Variants in DOCK1 observed in about 807,000 individuals in gnomAD.
DOCK1 encodes dedicator of cytokinesis 1.
In DOCK1, 138 loss-of-function variants were observed where a neutral mutation model predicts 262.7. That is an observed-to-expected ratio of 0.53 (90% CI 0.46 to 0.61). DOCK1 has a LOEUF of 0.61. Ranked by LOEUF, DOCK1 falls within the 20% of genes least tolerant of loss-of-function variation. The probability of loss-of-function intolerance (pLI) is 0.00; values close to 1 mark genes in which losing one functional copy is unlikely to be tolerated. For synonymous variants in DOCK1, 866 were observed against 867.4 expected, an observed-to-expected ratio of 1.00 and a Z score of 0.03; for missense variants, 1,908 against 2,370.7, an observed-to-expected ratio of 0.80 and a Z score of 4.05.
chr10:127,018,072 A>AT (rs1328443391), intron 12 of DOCK1, among the ~76,000 whole-genome samples: 2 of 152,086 alleles, frequency 1.3e-5, no homozygotes, highest in Non-Finnish European at 2.9e-5. Flanking sequence ...GAAAGTCTTC[A>AT]TTTCTCTCTT....
chr10:127,190,882 C>G (rs11016704), intron 27 of DOCK1, among the ~76,000 whole-genome samples: 3,062 of 152,050 alleles, frequency 0.02, 28 homozygotes, highest in Non-Finnish European at 0.023. Context: ...GACACCTTCT[C>G]AACTGGTCTC....
intron 1 of DOCK1, among the ~76,000 whole-genome samples, chr10:126,948,444 T>G (rs1034342407): frequency 2.7e-5 from 4 of 149,044 alleles, no homozygotes; most frequent in Non-Finnish European, 6.0e-5. Context: ...GTAATACTGC[T>G]GGTGGTGATT....
intron 49 of DOCK1, among the ~76,000 whole-genome samples, chr10:127,441,520 A>T (rs1268037741): frequency 6.6e-6 from 1 of 152,156 alleles, no homozygotes; most frequent in Non-Finnish European, 1.5e-5. Flanking sequence ...CGCAGAGGGC[A>T]CCTCCTCCAG....
chr10:126,945,469 GA>G (rs2035325132), intron 1 of DOCK1, among the ~76,000 whole-genome samples: 4 of 151,560 alleles, frequency 2.6e-5, no homozygotes, highest in South Asian at 2.1e-4. Flanking sequence ...GAGAGAGAGA[GA>G]GGGAGAGAGA....
At chr10:126,907,394 T>C (rs1178361193) in intron 1 of DOCK1, among the ~76,000 whole-genome samples, 4 of 151,786 alleles carry the variant, frequency 2.6e-5, no homozygotes, top group Non-Finnish European at 4.4e-5. Context: ...ATTGGGGGTG[T>C]AGTGGGGGCC....
intron 1 of DOCK1, among the ~76,000 whole-genome samples, chr10:126,944,467 G>A (rs1392872125): frequency 2.0e-5 from 3 of 152,130 alleles, no homozygotes; most frequent in Non-Finnish European, 1.5e-5. Context: ...GAGTCAGCAC[G>A]AAGATGCGTA....
chr10:127,337,362 G>A (rs1290073476), intron 29 of DOCK1, among the ~76,000 whole-genome samples: 1 of 152,182 alleles, frequency 6.6e-6, no homozygotes, highest in East Asian at 1.9e-4. Context: ...CCCAAGACTG[G>A]GGGGCTGATT....
chr10:127,356,186 C>A (rs1344647193), intron 32 of DOCK1, among the ~76,000 whole-genome samples: 1 of 152,194 alleles, frequency 6.6e-6, no homozygotes, highest in Non-Finnish European at 1.5e-5. Context: ...TGATACCTAC[C>A]AGGCACCATC....
Position 127,419,532 on chromosome 10 carries a change from C to T in DOCK1, c.4693-134C>T, listed in dbSNP as rs2068369851. The T allele has an allele frequency of 3.1e-5, 25 of 799,544 alleles. 1 individual carries two copies. In the South Asian group the frequency reaches 3.8e-4, roughly 12 times the overall value. The allele number at this position is 799,544 out of a possible 1,614,324, so 49.5% of individuals were successfully genotyped here. A position where few individuals can be genotyped will look rare whatever the true frequency, so the allele number is the denominator to read the frequency against. ...TCCTGGGTGCTGCGAAGGGTGTGAC[C>T]CTGAGTCTGCAGTGAGCTTCGTGTG... On this transcript the variant is annotated intron_variant, in intron 45 of 51. Coordinates refer to ENST00000623213, the MANE Select transcript of DOCK1 (RefSeq NM_001290223.2).
At chr10:127,362,481 A>G (rs2064517060) in intron 33 of DOCK1, among the ~76,000 whole-genome samples, 1 of 152,248 alleles carries the variant, frequency 6.6e-6, no homozygotes, top group Non-Finnish European at 1.5e-5. Flanking sequence ...CACCCTGGAT[A>G]AAAGTCTCTT....
chr10:127,354,953 G>A (rs1271525453), intron 32 of DOCK1, among the ~76,000 whole-genome samples: 1 of 152,196 alleles, frequency 6.6e-6, no homozygotes, highest in Non-Finnish European at 1.5e-5. Flanking sequence ...AATCCACAGA[G>A]CACCCTCTTG....
chr10:127,365,908 A>G (rs1300179158), intron 33 of DOCK1, among the ~76,000 whole-genome samples: 1 of 152,224 alleles, frequency 6.6e-6, no homozygotes, highest in Non-Finnish European at 1.5e-5. Flanking sequence ...TTGGGGCTTC[A>G]ACATTGACCC....
chr10:127,282,390 C>T (rs184940869), intron 29 of DOCK1, among the ~76,000 whole-genome samples: 7 of 152,312 alleles, frequency 4.6e-5, no homozygotes, highest in Non-Finnish European at 4.4e-5. Context: ...TGTTGACTTG[C>T]ATCTCCGAGG....
chr10:127,338,753 T>C (rs2063302938), intron 29 of DOCK1, among the ~76,000 whole-genome samples: 1 of 152,274 alleles, frequency 6.6e-6, no homozygotes, highest in Non-Finnish European at 1.5e-5. Context: ...GTCATACTTT[T>C]CAAATGTTAC....
intron 29 of DOCK1, among the ~76,000 whole-genome samples, chr10:127,286,526 T>C (rs1303984662): frequency 6.6e-6 from 1 of 152,186 alleles, no homozygotes; most frequent in Non-Finnish European, 1.5e-5. Context: ...TAGTATATAC[T>C]ACAGCTCTGT....
intron 27 of DOCK1, among the ~76,000 whole-genome samples, chr10:127,188,268 T>C (rs2056458625): frequency 6.6e-6 from 1 of 152,208 alleles, no homozygotes; most frequent in African/African-American, 2.4e-5. Context: ...TGGCCAGTTA[T>C]TGTCATGGAT....
At chr10:126,985,244 G>T (rs759764568) in intron 4 of DOCK1, among the ~76,000 whole-genome samples, 1 of 152,110 alleles carries the variant, frequency 6.6e-6, no homozygotes, top group Non-Finnish European at 1.5e-5. Context: ...GCCTCCCGAA[G>T]TGTTGTGATT....
chr10:127,190,694 G>A (rs1379092777), intron 27 of DOCK1, among the ~76,000 whole-genome samples: 2 of 83,054 alleles, frequency 2.4e-5, no homozygotes, highest in African/African-American at 5.5e-5. Flanking sequence ...GTTCCTGCTG[G>A]CTCCCAGATT....
intron 27 of DOCK1, among the ~76,000 whole-genome samples, chr10:127,152,597 G>T (rs549561385): frequency 1.3e-5 from 2 of 152,302 alleles, no homozygotes; most frequent in South Asian, 4.1e-4. Context: ...TTTGGGACTG[G>T]ATAGCTCTTG....
Sources: allele counts gnomAD v4.1 joint callset (sites outside exome capture counted in the v4.1 genomes callset), GRCh38; gene constraint gnomAD v4.1.1; transcripts MANE v1.5; gene names NCBI Gene and HGNC (gene_info 2026-07-23, HGNC 2026-07-21).